SCAMP2: variants seen among roughly 807,000 people sequenced by gnomAD.
The protein encoded by SCAMP2 is secretory carrier membrane protein 2, also known as secretory carrier-associated membrane protein 2.
In SCAMP2, 25 loss-of-function variants were observed where a neutral mutation model predicts 44.1. The observed-to-expected ratio is 0.57, with a 90% CI of 0.41 to 0.79. The LOEUF (loss-of-function observed/expected upper bound fraction) is 0.79. SCAMP2 is among the 30% of genes least tolerant of loss of function. The probability of loss-of-function intolerance (pLI) is 0.00; values close to 1 mark genes in which losing one functional copy is unlikely to be tolerated. For synonymous variants in SCAMP2, 156 were observed against 166.0 expected, an observed-to-expected ratio of 0.94 and a Z score of 0.46; for missense variants, 355 against 411.0, an observed-to-expected ratio of 0.86 and a Z score of 1.18.
intron 3 of SCAMP2, 119 bp downstream of exon 3, chr15:74,853,902 G>T: frequency 1.2e-6 from 1 of 841,540 alleles, no homozygotes; most frequent in Non-Finnish European, 1.9e-6. Context: ...ATTAGCAAGA[G>T]GGCCCTTAGG....
intron 1 of SCAMP2, among the ~76,000 whole-genome samples, chr15:74,855,764 C>T (rs1462883554): frequency 6.9e-6 from 1 of 145,104 alleles, no homozygotes; most frequent in Non-Finnish European, 1.5e-5. Context: ...AGAACAAAAA[C>T]ATGCTGCTGG....
intron 1 of SCAMP2, among the ~76,000 whole-genome samples, chr15:74,871,041 G>T (rs2064571480): frequency 1.3e-5 from 2 of 152,182 alleles, no homozygotes; most frequent in African/African-American, 4.8e-5. Flanking sequence ...AGCTTCCCTA[G>T]AACGGGTTTT....
At chr15:74,860,946 G>A (rs919308318) in intron 1 of SCAMP2, among the ~76,000 whole-genome samples, 13 of 151,760 alleles carry the variant, frequency 8.6e-5, no homozygotes, top group Admixed American at 2.0e-4. Context: ...AGGCTGAGGC[G>A]GGTAGATCAC....
intron 2 of SCAMP2, among the ~76,000 whole-genome samples, chr15:74,854,374 C>T (rs922035122): frequency 6.6e-6 from 1 of 152,238 alleles, no homozygotes; most frequent in Non-Finnish European, 1.5e-5. Flanking sequence ...GGAGGGGCCC[C>T]GGTCACAGAT....
chr15:74,863,791 A>G (rs1267137728), intron 1 of SCAMP2, among the ~76,000 whole-genome samples: 1 of 152,200 alleles, frequency 6.6e-6, no homozygotes, highest in African/African-American at 2.4e-5. Flanking sequence ...TGCCTTTGAG[A>G]AGCAAATAGT....
At chr15:74,872,338 G>A (rs898918406) in intron 1 of SCAMP2, among the ~76,000 whole-genome samples, 1 of 151,436 alleles carries the variant, frequency 6.6e-6, no homozygotes, top group Non-Finnish European at 1.5e-5. Context: ...GCTTGAACTC[G>A]GGAGGCAGAG....
In SCAMP2 at chr15:74,852,064, CT is replaced by C; in HGVS notation, c.343+4del. ...GCAGCCCCAGGCCCCAGCAGCCTCC[CT>C]TACCATGCAAGTTGGCTACAGTGTT... On this transcript the variant is annotated splice_donor_region_variant and intron_variant, in intron 4 of 8. Transcript: ENST00000268099. The C allele has an allele frequency of 6.4e-7, 1 of 1,566,856 alleles. No homozygotes were observed. The highest frequency in any genetic ancestry group is 8.7e-7 in the Non-Finnish European group (1 of 1,154,986).
intron 1 of SCAMP2, among the ~76,000 whole-genome samples, chr15:74,869,576 G>A (rs966567681): frequency 2.6e-5 from 4 of 152,172 alleles, no homozygotes; most frequent in African/African-American, 9.7e-5. Context: ...CTGGGAATGA[G>A]ACCCAGGTCA....
chr15:74,854,938 T>G (rs1423210553), intron 1 of SCAMP2, among the ~76,000 whole-genome samples: 1 of 150,372 alleles, frequency 6.7e-6, no homozygotes, highest in Non-Finnish European at 1.5e-5. Flanking sequence ...CTATACAGAT[T>G]CAAAATGGTT....
rs115164067 is a variant in SCAMP2 at position 74,868,352 on chromosome 15, T to C, written c.57+4847A>G. On this transcript the variant is annotated intron_variant, in intron 1 of 8. Coordinates refer to ENST00000268099, the MANE Select transcript of SCAMP2 (RefSeq NM_005697.5). The stretch of plus-strand genomic sequence containing the variant: ...GTGCGGGGTGGAAGCAGGCACTTAA[T>C]AAAGAACCTTGGATGAGGAAGTCAA... Among the ~76,000 whole-genome samples the C allele has an allele frequency of 2.9e-3, 449 of 152,320 alleles. 3 individuals carry two copies. The highest frequency in any genetic ancestry group is 0.01 in the African/African-American group (429 of 41,570).
chr15:74,854,008 T>G lies in SCAMP2; in HGVS notation c.225+13A>C. 1 of 1,608,146 alleles carries G rather than the reference T, an allele frequency of 6.2e-7. No individual in the cohort carries two copies. On this transcript the variant is annotated intron_variant, in intron 3 of 8. Coordinates refer to ENST00000268099, the MANE Select transcript of SCAMP2 (RefSeq NM_005697.5). ...ACTGGAGAGAAAAGGCCAGAGTTCT[T>G]TGTCAGCACTACCTGGGGGGTCGGC...
intron 1 of SCAMP2, among the ~76,000 whole-genome samples, chr15:74,854,916 C>T (rs1243065233): frequency 6.6e-6 from 1 of 151,744 alleles, no homozygotes; most frequent in Non-Finnish European, 1.5e-5. Flanking sequence ...CACACAGGCT[C>T]CTGTTGGTGC....
At chr15:74,847,071 A>G (rs1596413328) in intron 7 of SCAMP2, among the ~76,000 whole-genome samples, 2 of 144,360 alleles carry the variant, frequency 1.4e-5, no homozygotes, top group South Asian at 2.2e-4. Context: ...AAACCCATAC[A>G]CCTATTGTCA....
At chr15:74,865,952 AAGGAAGGAAGGAAGGAAGGAAGGAAGG>A (rs2064539923) in intron 1 of SCAMP2, among the ~76,000 whole-genome samples, 1 of 6,624 alleles carries the variant, frequency 1.5e-4, no homozygotes, top group Non-Finnish European at 5.4e-4. Flanking sequence ...CTCTGTCTCG[AAGGAAGGAAGGAAGGAAGGAAGGAAGG>A]AAGGAAGGAA....
intron 1 of SCAMP2, among the ~76,000 whole-genome samples, chr15:74,870,914 G>A (rs1172313955): frequency 6.6e-6 from 1 of 152,196 alleles, no homozygotes; most frequent in Non-Finnish European, 1.5e-5. Context: ...ACACCTGCAG[G>A]AAACTTAAAA....
chr15:74,861,991 T>A (rs2064507986), intron 1 of SCAMP2, among the ~76,000 whole-genome samples: 1 of 149,460 alleles, frequency 6.7e-6, no homozygotes, highest in Non-Finnish European at 1.5e-5. Context: ...CGGTAGCTCA[T>A]GCCTATAATC....
chr15:74,854,703 G>A, intron 1 of SCAMP2, 54 bp from the exon 2 acceptor site: 1 of 1,495,798 alleles, frequency 6.7e-7, no homozygotes, highest in Non-Finnish European at 9.1e-7. Flanking sequence ...CGGGCCAGGG[G>A]CCGGCAGGCG....
In SCAMP2 at chr15:74,854,568, C is replaced by T. The variant is rs751210026; in HGVS notation, c.126+13G>A. On this transcript the variant is annotated intron_variant, in intron 2 of 8. Coordinates refer to ENST00000268099, the MANE Select transcript of SCAMP2 (RefSeq NM_005697.5). ...AGGGCCATGGGACTTGGAAAGAGGG[C>T]CTGCTCACCAACCTCTGAGAAGGGG... 1.6e-5 allele frequency: 25 copies of T among 1,588,454 alleles called. No homozygotes were observed. The highest frequency in any genetic ancestry group is 2.1e-5 in the Non-Finnish European group (24 of 1,167,056).
In SCAMP2 at chr15:74,854,752, C is replaced by T. The variant is rs571922391; in HGVS notation, c.58-103G>A. ...TGACTGAAGCAGGGCAGCTGATCAC[C>T]CTCCCGGGACCCTGAGAAGCCTCTC... is the stretch of plus-strand genomic sequence containing the variant. On this transcript the variant is annotated intron_variant, in intron 1 of 8. Transcript: ENST00000268099. 8.1e-6 allele frequency: 8 copies of T among 991,852 alleles called. No individual in the cohort carries two copies. The East Asian group carries it at 2.1e-4, about 26-fold the overall frequency. 61.4% of individuals were successfully genotyped at this position (991,852 alleles called of 1,614,324 possible).
Sources: allele counts gnomAD v4.1 joint callset (sites outside exome capture counted in the v4.1 genomes callset), GRCh38; gene constraint gnomAD v4.1.1; transcripts MANE v1.5; gene names NCBI Gene and HGNC (gene_info 2026-07-23, HGNC 2026-07-21).